AGBL4: variants seen among roughly 807,000 people sequenced by gnomAD.
AGBL4 encodes the protein AGBL carboxypeptidase 4.
In AGBL4, 58 loss-of-function variants were observed where a neutral mutation model predicts 66.4. The ratio of observed to expected loss-of-function variants is 0.87; its 90% CI spans 0.71 to 1.09. The LOEUF (loss-of-function observed/expected upper bound fraction) is 1.09. AGBL4 is among the 50% of genes least tolerant of loss of function. The pLI is 0.00. For synonymous variants in AGBL4, 234 were observed against 222.9 expected, an observed-to-expected ratio of 1.05 and a Z score of -0.44; for missense variants, 579 against 631.0, an observed-to-expected ratio of 0.92 and a Z score of 0.88.
chr1:49,368,947 C>T (rs1397034378), intron 3 of AGBL4, among the ~76,000 whole-genome samples: 9 of 152,022 alleles, frequency 5.9e-5, no homozygotes, highest in East Asian at 5.8e-4. Context: ...TGGTGGCACA[C>T]GCCTGTATTC....
intron 3 of AGBL4, among the ~76,000 whole-genome samples, chr1:49,675,750 A>G (rs532391028): frequency 6.1e-4 from 93 of 152,184 alleles, no homozygotes; most frequent in Non-Finnish European, 9.9e-4. Flanking sequence ...GAGACAGTAT[A>G]TCAAACTCTC....
intron 3 of AGBL4, among the ~76,000 whole-genome samples, chr1:49,310,019 A>C (rs557378923): frequency 6.6e-6 from 1 of 152,226 alleles, no homozygotes; most frequent in Admixed American, 6.6e-5. Flanking sequence ...AGTTTTAAGC[A>C]GAGATTTAAA....
intron 11 of AGBL4, among the ~76,000 whole-genome samples, chr1:48,574,556 T>A (rs534510024): frequency 1.0e-3 from 154 of 150,626 alleles, no homozygotes; most frequent in African/African-American, 3.6e-3. Context: ...TTTTTTGAAC[T>A]GACATCCAAG....
intron 3 of AGBL4, among the ~76,000 whole-genome samples, chr1:49,618,289 A>C (rs1645288466): frequency 6.6e-6 from 1 of 152,148 alleles, no homozygotes; most frequent in African/African-American, 2.4e-5. Flanking sequence ...AGTCTTTGCT[A>C]CTGCAAACAG....
intron 3 of AGBL4, among the ~76,000 whole-genome samples, chr1:49,600,727 T>A (rs1011319719): frequency 6.6e-6 from 1 of 152,234 alleles, no homozygotes; most frequent in Non-Finnish European, 1.5e-5. Flanking sequence ...CAATTTGGTA[T>A]GTTTTTGCAG....
chr1:48,654,784 G>A (rs1400820029), intron 7 of AGBL4, among the ~76,000 whole-genome samples: 3 of 152,182 alleles, frequency 2.0e-5, no homozygotes, highest in East Asian at 3.8e-4. Flanking sequence ...TTAGGCCAGG[G>A]CTGAGAATCC....
At chr1:49,063,171 T>G (rs533346020) in intron 4 of AGBL4, among the ~76,000 whole-genome samples, 1 of 152,326 alleles carries the variant, frequency 6.6e-6, no homozygotes, top group Non-Finnish European at 1.5e-5. Flanking sequence ...AGACTTTCTT[T>G]GCAATCTATT....
chr1:49,032,521 T>C (rs994722329), intron 5 of AGBL4, among the ~76,000 whole-genome samples: 3 of 151,930 alleles, frequency 2.0e-5, no homozygotes, highest in African/African-American at 7.3e-5. Flanking sequence ...CTAGCTGAGG[T>C]GGTGTTCAGT....
intron 5 of AGBL4, among the ~76,000 whole-genome samples, chr1:49,032,124 A>C (rs186406290): frequency 1.2e-4 from 19 of 152,310 alleles, no homozygotes; most frequent in Admixed American, 8.5e-4. Flanking sequence ...GAACTGTAAG[A>C]AGGCCAGTGT....
chr1:49,075,337 G>C (rs1035712859), intron 4 of AGBL4, among the ~76,000 whole-genome samples: 6 of 152,064 alleles, frequency 3.9e-5, no homozygotes, highest in African/African-American at 1.4e-4. Flanking sequence ...ACTCATTAGA[G>C]GTAGGCTTTA....
intron 6 of AGBL4, among the ~76,000 whole-genome samples, chr1:48,687,198 G>A (rs534095959): frequency 5.3e-5 from 8 of 152,246 alleles, no homozygotes; most frequent in African/African-American, 1.2e-4. Flanking sequence ...AGACAGCGCC[G>A]CAGGCACACA....
chr1:49,280,329 T>C (rs1644249794), intron 3 of AGBL4, among the ~76,000 whole-genome samples: 1 of 152,206 alleles, frequency 6.6e-6, no homozygotes, highest in Admixed American at 6.5e-5. Context: ...TGTGGCCATT[T>C]TTGTGTCAGT....
At position 48,827,995 on chromosome 1, in the gene AGBL4, T is replaced by TACACACACACACACACAC. The variant is rs375257744; in HGVS notation, c.634+39178_634+39195dup. The stretch of plus-strand genomic sequence containing the variant: ...TGTGAGACCCCGTCTCTACTAAAAA[T>TACACACACACACACACAC]ACACACACACACACACACACACACA... On this transcript the variant is annotated intron_variant, in intron 6 of 13. Coordinates refer to ENST00000371839, the MANE Select transcript of AGBL4 (RefSeq NM_032785.4). 2.6e-5 allele frequency among the ~76,000 whole-genome samples: 3 copies of TACACACACACACACACAC among 116,954 alleles called. 1 individual carries two copies. The highest frequency in any genetic ancestry group is 3.4e-4 in the South Asian group (1 of 2,900). The allele number at this position is 116,954 out of a possible 152,430, so 76.7% of individuals were successfully genotyped here.
intron 9 of AGBL4, among the ~76,000 whole-genome samples, chr1:48,592,126 C>A (rs1644927622): frequency 6.6e-6 from 1 of 152,170 alleles, no homozygotes; most frequent in Admixed American, 6.5e-5. Flanking sequence ...AGGGAAGACT[C>A]GCATGGGGAG....
At chr1:49,587,318 GAGAAAAGAAAAAAGAAA>G (rs1644669379) in intron 3 of AGBL4, among the ~76,000 whole-genome samples, 1 of 150,948 alleles carries the variant, frequency 6.6e-6, no homozygotes, top group Admixed American at 6.6e-5. Context: ...GAGAAGAGAA[GAGAAAAGAAAAAAGAAA>G]AGAAAAGAAA....
chr1:48,632,291 G>C (rs1557841354), intron 9 of AGBL4, among the ~76,000 whole-genome samples: 1 of 152,190 alleles, frequency 6.6e-6, no homozygotes, highest in African/African-American at 2.4e-5. Flanking sequence ...GATCTAACCA[G>C]CTGATGATCA....
rs369744032 is a variant in AGBL4 at position 49,913,540 on chromosome 1, C to T, written c.35-62022G>A. ...AGTGCTCTTGGATTAGAGCCTCATG[C>T]CTGCAGCTCTCTCATGCTTGAGTTG... is the stretch of plus-strand genomic sequence containing the variant. On this transcript the variant is annotated intron_variant, in intron 1 of 13. Coordinates refer to ENST00000371839, the MANE Select transcript of AGBL4 (RefSeq NM_032785.4). Among the ~76,000 whole-genome samples the T allele has an allele frequency of 3.2e-4, 49 of 152,344 alleles. 1 individual carries two copies. The South Asian group carries it at 9.5e-3, about 30-fold the overall frequency.
intron 3 of AGBL4, among the ~76,000 whole-genome samples, chr1:49,343,162 C>T (rs973963794): frequency 6.6e-6 from 1 of 151,900 alleles, no homozygotes; most frequent in African/African-American, 2.4e-5. Context: ...TTCTTGTCAC[C>T]CTCAATGCCC....
At chr1:48,739,705 A>ATG (rs1481087666) in intron 6 of AGBL4, among the ~76,000 whole-genome samples, 2 of 152,216 alleles carry the variant, frequency 1.3e-5, no homozygotes, top group African/African-American at 4.8e-5. Context: ...ATGAGAAAAG[A>ATG]TGTGTAAAGT....
Sources: allele counts gnomAD v4.1 joint callset (sites outside exome capture counted in the v4.1 genomes callset), GRCh38; gene constraint gnomAD v4.1.1; transcripts MANE v1.5; gene names NCBI Gene and HGNC (gene_info 2026-07-23, HGNC 2026-07-21).